The following FXR1 variants were observed in gnomAD, a reference collection of about 807,000 sequenced individuals.
The protein encoded by FXR1 is FMR1 autosomal homolog 1.
Under a neutral mutation model 84.0 loss-of-function variants are expected in FXR1, and 15 were observed. The observed-to-expected ratio is 0.18, with a 90% confidence interval of 0.12 to 0.27. The LOEUF (loss-of-function observed/expected upper bound fraction) is 0.27. Among genes scored for constraint, FXR1 ranks in the 10% least tolerant of loss-of-function variants. The pLI is 1.00. For synonymous variants in FXR1, 245 were observed against 250.7 expected (o/e 0.98, Z 0.21); for missense variants, 480 against 774.4 (o/e 0.62, Z 4.51).
chr3:180,968,494 G>T, intron 14 of FXR1: 1 of 351,624 alleles, frequency 2.8e-6, no homozygotes, highest in South Asian at 5.6e-5. Flanking sequence ...TATATGATGA[G>T]GGTCAGATGT....
chr3:180,961,366 AAGGT>A (rs1712084333), intron 10 of FXR1, 98 bp from the exon 11 acceptor site: 25 of 202,780 alleles, frequency 1.2e-4, no homozygotes, highest in South Asian at 1.9e-4. Flanking sequence ...AAAAAAAAAA[AAGGT>A]GTGTGTGTGT....
intron 3 of FXR1, among the ~76,000 whole-genome samples, chr3:180,938,487 TTTTG>T (rs1471516664): frequency 2.6e-5 from 4 of 152,314 alleles, no homozygotes; most frequent in South Asian, 2.1e-4. Flanking sequence ...ATTGTCTATT[TTTTG>T]TTTGTGCAGT....
chr3:180,958,294 C>G (rs1403557431), intron 10 of FXR1, among the ~76,000 whole-genome samples: 6 of 151,936 alleles, frequency 3.9e-5, no homozygotes, highest in Non-Finnish European at 7.4e-5. Flanking sequence ...CATGGTTAAG[C>G]TGCTTCAGTG....
At chr3:180,949,127 A>C (rs1049720537) in intron 6 of FXR1, 100 bp from the exon 7 acceptor site, 1 of 761,064 alleles carries the variant, frequency 1.3e-6, no homozygotes, top group African/African-American at 1.7e-5. Flanking sequence ...GAAGTGTAGT[A>C]GATGAGAAGC....
At chr3:180,946,263 G>A (rs1471196834) in intron 3 of FXR1, among the ~76,000 whole-genome samples, 1 of 152,180 alleles carries the variant, frequency 6.6e-6, no homozygotes, top group African/African-American at 2.4e-5. Context: ...TATCCTCTAG[G>A]TGATGCCATC....
At chr3:180,930,084 G>A (rs1488261880) in intron 1 of FXR1, among the ~76,000 whole-genome samples, 1 of 152,072 alleles carries the variant, frequency 6.6e-6, no homozygotes, top group Non-Finnish European at 1.5e-5. Context: ...CGGACATGGT[G>A]AAACCCAGTC....
intron 1 of FXR1, among the ~76,000 whole-genome samples, chr3:180,916,957 C>T (rs1717967887): frequency 6.6e-6 from 1 of 152,154 alleles, no homozygotes; most frequent in Non-Finnish European, 1.5e-5. Context: ...GCCTCAGCCT[C>T]CTGAGTAGCT....
chr3:180,975,717 C>A (rs1714156100), intron 16 of FXR1, among the ~76,000 whole-genome samples: 1 of 152,116 alleles, frequency 6.6e-6, no homozygotes, highest in East Asian at 1.9e-4. Flanking sequence ...GGATATAGAC[C>A]TTTTAAATTT....
chr3:180,937,216 G>A (rs1720624785), intron 3 of FXR1, among the ~76,000 whole-genome samples: 1 of 152,186 alleles, frequency 6.6e-6, no homozygotes, highest in Non-Finnish European at 1.5e-5. Flanking sequence ...AAGGAATGAT[G>A]TAGGTTTGGA....
intron 13 of FXR1, among the ~76,000 whole-genome samples, chr3:180,966,913 T>G (rs544308281): frequency 6.6e-6 from 1 of 152,324 alleles, no homozygotes; most frequent in African/African-American, 2.4e-5. Flanking sequence ...ATCTGACATT[T>G]GAGTTACAGT....
At chr3:180,938,436 A>G (rs1338685934) in intron 3 of FXR1, among the ~76,000 whole-genome samples, 2 of 152,212 alleles carry the variant, frequency 1.3e-5, no homozygotes, top group Admixed American at 1.3e-4. Flanking sequence ...TGGGAACATC[A>G]CTTAAATTAG....
At chr3:180,971,254 TG>T (rs1273146767) in intron 15 of FXR1, 2 of 250,130 alleles carry the variant, frequency 8.0e-6, no homozygotes, top group Admixed American at 1.1e-4. Flanking sequence ...TACACATGTG[TG>T]CATATACATT....
intron 1 of FXR1, among the ~76,000 whole-genome samples, chr3:180,916,596 C>T (rs768733790): frequency 6.6e-6 from 1 of 151,996 alleles, no homozygotes; most frequent in East Asian, 1.9e-4. Flanking sequence ...TTAGTAGAGA[C>T]GGGGTTTTAC....
chr3:180,956,285 C>G (rs1448196600), intron 9 of FXR1, among the ~76,000 whole-genome samples: 5 of 152,232 alleles, frequency 3.3e-5, no homozygotes, highest in Non-Finnish European at 7.3e-5. Flanking sequence ...TCACTTCTCT[C>G]TGTCCCTTCA....
chr3:180,971,038 T>C (rs1167319502), intron 15 of FXR1: 1 of 789,554 alleles, frequency 1.3e-6, no homozygotes, highest in Non-Finnish European at 1.7e-6. Flanking sequence ...TTGTTTGTTT[T>C]TGTCAGAATA....
intron 15 of FXR1, among the ~76,000 whole-genome samples, chr3:180,972,504 C>A (rs1713709797): frequency 6.6e-6 from 1 of 152,164 alleles, no homozygotes; most frequent in Non-Finnish European, 1.5e-5. Context: ...GAAGGTGGTA[C>A]AGCAGTGAAT....
intron 1 of FXR1, among the ~76,000 whole-genome samples, chr3:180,921,323 A>T (rs1028002198): frequency 6.6e-6 from 1 of 151,480 alleles, no homozygotes; most frequent in African/African-American, 2.4e-5. Flanking sequence ...GGTTGCAGTG[A>T]GCCAAGATCA....
chr3:180,942,750 T>C (rs983430539), intron 3 of FXR1, among the ~76,000 whole-genome samples: 2 of 152,178 alleles, frequency 1.3e-5, no homozygotes, highest in African/African-American at 4.8e-5. Flanking sequence ...CGAAATAGTT[T>C]GCAGAGTTAA....
At chr3:180,976,069 C>G in intron 16 of FXR1, 53 bp from the exon 17 acceptor site, 2 of 1,419,222 alleles carry the variant, frequency 1.4e-6, no homozygotes, top group Non-Finnish European at 1.9e-6. Flanking sequence ...TTTTCCTCCT[C>G]AGCTATAGAT....
Sources: gnomAD v4.1 joint callset for allele counts (sites outside exome capture counted in the v4.1 genomes callset) on GRCh38, gnomAD v4.1.1 for gene constraint, MANE v1.5 for transcripts, NCBI Gene and HGNC (gene_info 2026-07-23, HGNC 2026-07-21) for gene names.